The following ZNF185 variants were observed in gnomAD, a reference collection of about 807,000 sequenced individuals.
ZNF185 encodes zinc finger protein 185.
ZNF185 carries 56 observed loss-of-function variants against 58.6 expected under a neutral mutation model. That is an observed-to-expected ratio of 0.95 (90% CI 0.77 to 1.19). The LOEUF (loss-of-function observed/expected upper bound fraction) is 1.19, where lower values mean the gene tolerates loss of function less well. ZNF185 is among the 50% of genes most tolerant of loss of function. The pLI is 0.00. For synonymous variants in ZNF185, 230 were observed against 215.9 expected, an observed-to-expected ratio of 1.07 and a Z score of -0.57; for missense variants, 627 against 573.5, an observed-to-expected ratio of 1.09 and a Z score of -0.95.
At chrX:152,940,510 T>C (rs1188340788) in intron 15 of ZNF185, among the ~76,000 whole-genome samples, 1 of 111,066 alleles carries the variant, frequency 9.0e-6, no homozygotes, top group African/African-American at 3.3e-5. Flanking sequence ...TGTTATTCTC[T>C]AAAGACCTGG....
At chrX:152,927,472 T>G (rs1397542237) in intron 11 of ZNF185, among the ~76,000 whole-genome samples, 1 of 111,537 alleles carries the variant, frequency 9.0e-6, no homozygotes, top group East Asian at 2.8e-4. Flanking sequence ...CTACCCCTCC[T>G]GGGACCCCTG....
chrX:152,968,236 G>C (rs957741308), intron 20 of ZNF185, among the ~76,000 whole-genome samples: 2 of 112,149 alleles, frequency 1.8e-5, no homozygotes, highest in African/African-American at 6.5e-5. Flanking sequence ...AGCAGAGAAG[G>C]GCAGGTTGGT....
At chrX:152,938,908 AAGAGGAGAAGGAGCCAACTCT>A (rs1556885847) in intron 15 of ZNF185, among the ~76,000 whole-genome samples, 3 of 83,246 alleles carry the variant, frequency 3.6e-5, no homozygotes, top group African/African-American at 5.9e-5. Flanking sequence ...ATCTCCTCTA[AAGAGGAGAAGGAGCCAACTCT>A]AGAAAGAACA....
chrX:152,932,831 A>C, intron 13 of ZNF185, 42 bp from the exon 15 acceptor site: 1 of 1,047,439 alleles, frequency 9.5e-7, no homozygotes, highest in African/African-American at 1.8e-5. Context: ...GATGAGATCA[A>C]AACGCAACTA....
chrX:152,963,895 A>G, exon 18 of ZNF185: 2 of 1,211,799 alleles, frequency 1.7e-6, no homozygotes, highest in Non-Finnish European at 2.2e-6. Context: ...ACATCTGAGC[A>G]GCCTCACATT....
intron 6 of ZNF185, 40 bp downstream of exon 7, chrX:152,918,194 C>T: frequency 8.6e-7 from 1 of 1,160,187 alleles, no homozygotes. Context: ...TTCCCTCCTC[C>T]AAGGAACAAG....
chrX:152,932,457 A>C (rs1271094590), intron 13 of ZNF185, among the ~76,000 whole-genome samples: 1 of 111,839 alleles, frequency 8.9e-6, no homozygotes, highest in Non-Finnish European at 1.9e-5. Context: ...CTTCAGTGAG[A>C]ACCTGGTAGC....
intron 11 of ZNF185, among the ~76,000 whole-genome samples, chrX:152,926,699 T>C (rs1043478778): frequency 5.4e-5 from 6 of 111,784 alleles, no homozygotes; most frequent in Admixed American, 2.8e-4. Context: ...TGGTTGAGAG[T>C]CTGGGGAGAT....
intron 15 of ZNF185, 91 bp downstream of exon 17, chrX:152,938,254 C>G: frequency 1.1e-6 from 1 of 932,603 alleles, no homozygotes; most frequent in Non-Finnish European, 1.5e-6. Flanking sequence ...GAAGGTGAGG[C>G]CAGCAAGGTT....
chrX:152,942,616 T>C (rs1201160038), intron 15 of ZNF185, among the ~76,000 whole-genome samples: 1 of 112,447 alleles, frequency 8.9e-6, no homozygotes, highest in Non-Finnish European at 1.9e-5. Flanking sequence ...TCATTTGACA[T>C]GACACGATAT....
intron 17 of ZNF185, among the ~76,000 whole-genome samples, 193 bp from the exon 20 acceptor site, chrX:152,963,646 C>G (rs189304838): frequency 8.9e-6 from 1 of 112,031 alleles, no homozygotes; most frequent in East Asian, 2.8e-4. Context: ...TACTGACTCA[C>G]GATGTGACCT....
chrX:152,902,490 G>GAAATAAAAATAA, the ZNF185 span, among the ~76,000 whole-genome samples: 4 of 112,835 alleles, frequency 3.5e-5, no homozygotes, highest in South Asian at 1.4e-3. Context: ...GCTTTAAACT[G>GAAATAAAAATAA]AAATAAAAAT....
At chrX:152,938,696 C>T (rs144772535) in intron 15 of ZNF185, among the ~76,000 whole-genome samples, 3 of 110,782 alleles carry the variant, frequency 2.7e-5, no homozygotes, top group African/African-American at 6.6e-5. Flanking sequence ...GTGCACAGCC[C>T]TCTACTCACA....
At position 152,943,257 on chromosome X, in the gene ZNF185, A is replaced by G. The variant is rs561100110; in HGVS notation, c.1212-2010A>G. Among the ~76,000 whole-genome samples, 14 of 111,597 alleles carry G rather than the reference A, an allele frequency of 1.3e-4. No homozygotes were observed. In the South Asian group the frequency reaches 4.9e-3, roughly 39 times the overall value. On this transcript the variant is annotated intron_variant, in intron 15 of 22. Coordinates refer to ENST00000449285, the Ensembl canonical transcript of ZNF185. ...CTGATCCACCCACTTCTGCCTGCCA[A>G]AGTACTGAAATTACAGGCGTGAACC...
chrX:152,941,601 C>T, intron 15 of ZNF185: 1 of 1,094,375 alleles, frequency 9.1e-7, no homozygotes, highest in African/African-American at 1.9e-5. Context: ...CTGTGCACCT[C>T]GGCGAGCACG....
chrX:152,941,749 T>A (rs1556889895), intron 15 of ZNF185: 1 of 1,165,225 alleles, frequency 8.6e-7, no homozygotes, highest in Non-Finnish European at 1.1e-6. Context: ...GGGGATTCTC[T>A]TGAGGCCATG....
intron 17 of ZNF185, among the ~76,000 whole-genome samples, chrX:152,963,377 A>T (rs1254514456): frequency 8.9e-6 from 1 of 112,472 alleles, no homozygotes; most frequent in African/African-American, 3.2e-5. Flanking sequence ...ATGATGCCTA[A>T]TTTCATTTGG....
At chrX:152,955,229 C>G (rs1380476758) in intron 16 of ZNF185, among the ~76,000 whole-genome samples, 1 of 112,030 alleles carries the variant, frequency 8.9e-6, no homozygotes, top group South Asian at 3.7e-4. Context: ...CTTCTCAGGC[C>G]GTATTTAATT....
intron 15 of ZNF185, chrX:152,941,569 A>G: frequency 1.0e-6 from 1 of 1,003,939 alleles, no homozygotes; most frequent in Non-Finnish European, 1.3e-6. Flanking sequence ...GCTCGCCACC[A>G]GCGTACGCGA....
Sources: gnomAD v4.1 joint callset for allele counts (sites outside exome capture counted in the v4.1 genomes callset) on GRCh38, gnomAD v4.1.1 for gene constraint, MANE v1.5 for transcripts, NCBI Gene and HGNC (gene_info 2026-07-23, HGNC 2026-07-21) for gene names.